Variants in SNTG1 observed in about 807,000 individuals in gnomAD.
SNTG1 encodes the protein syntrophin gamma 1, also known as gamma-1-syntrophin.
SNTG1 carries 39 observed loss-of-function variants against 74.7 expected under a neutral mutation model. The ratio of observed to expected loss-of-function variants is 0.52; its 90% CI spans 0.40 to 0.68. The LOEUF is 0.68. SNTG1 is among the 30% of genes least tolerant of loss of function. SNTG1 has a pLI of 0.00. For missense variants in SNTG1, 685 were observed against 609.5 expected, an observed-to-expected ratio of 1.12 and a Z score of -1.30; for synonymous variants, 254 against 217.1, an observed-to-expected ratio of 1.17 and a Z score of -1.49.
rs543634520 is a variant in SNTG1 at position 50,651,514 on chromosome 8, A to G, written c.850-5395A>G. ...CTCTTGTTGCCCAGACTGGAGTGCA[A>G]TGGCATGATCTTGGCTCACTGCAAC... On this transcript the variant is annotated intron_variant, in intron 13 of 18. Transcript: ENST00000642720. Among the ~76,000 whole-genome samples the G allele has an allele frequency of 2.8e-3, 424 of 152,054 alleles. 3 individuals carry two copies. Among genetic ancestry groups the G allele is most frequent in the Non-Finnish European group, 5.4e-3 (364 of 67,978 alleles).
intron 4 of SNTG1, among the ~76,000 whole-genome samples, chr8:50,436,550 T>C (rs1385017410): frequency 6.6e-6 from 1 of 152,156 alleles, no homozygotes; most frequent in Non-Finnish European, 1.5e-5. Flanking sequence ...AATTGCTATG[T>C]ATTATTTATA....
At chr8:50,499,363 A>G (rs1344699824) in intron 8 of SNTG1, among the ~76,000 whole-genome samples, 7 of 150,030 alleles carry the variant, frequency 4.7e-5, no homozygotes, top group East Asian at 1.9e-4. Context: ...TGATTATTTT[A>G]TATTTATCTT....
chr8:49,915,474 C>G (rs1304799491), intron 1 of SNTG1, among the ~76,000 whole-genome samples: 3 of 152,166 alleles, frequency 2.0e-5, no homozygotes, highest in Non-Finnish European at 4.4e-5. Context: ...CTTTACATCT[C>G]TTAATGGTAT....
At chr8:50,729,360 A>G (rs1329220335) in intron 17 of SNTG1, among the ~76,000 whole-genome samples, 2 of 152,206 alleles carry the variant, frequency 1.3e-5, no homozygotes, top group Non-Finnish European at 2.9e-5. Flanking sequence ...TGACTAAGAA[A>G]TGGTAAGCAG....
intron 17 of SNTG1, among the ~76,000 whole-genome samples, chr8:50,745,900 G>A (rs980597382): frequency 5.3e-5 from 8 of 151,858 alleles, no homozygotes; most frequent in African/African-American, 1.7e-4. Context: ...TGATTAATGG[G>A]TACAGAGTTC....
At chr8:50,560,669 A>G (rs1452805687) in intron 12 of SNTG1, among the ~76,000 whole-genome samples, 1 of 152,140 alleles carries the variant, frequency 6.6e-6, no homozygotes, top group Non-Finnish European at 1.5e-5. Context: ...ACTGAATGAC[A>G]AGAACACGTG....
At chr8:50,402,729 A>T (rs6473120) in intron 4 of SNTG1, among the ~76,000 whole-genome samples, 7,208 of 152,256 alleles carry the variant, frequency 0.047, 217 homozygotes, top group Middle Eastern at 0.095. Context: ...GTGGGGCCCA[A>T]CCTTCAGCAT....
chr8:50,392,726 TAGA>T (rs1401926413), intron 2 of SNTG1, among the ~76,000 whole-genome samples: 18 of 151,964 alleles, frequency 1.2e-4, no homozygotes, highest in Non-Finnish European at 1.9e-4. Flanking sequence ...TGAAAAAGAA[TAGA>T]AGATTAGAAT....
At chr8:50,102,659 C>T (rs1234592625) in intron 1 of SNTG1, among the ~76,000 whole-genome samples, 7 of 149,248 alleles carry the variant, frequency 4.7e-5, no homozygotes, top group Non-Finnish European at 7.4e-5. Context: ...AATGGTAATG[C>T]CTAGGTTTTT....
chr8:50,600,451 G>C (rs2094764344), intron 13 of SNTG1, among the ~76,000 whole-genome samples: 1 of 150,812 alleles, frequency 6.6e-6, no homozygotes, highest in Admixed American at 6.6e-5. Context: ...AGACTCATTA[G>C]AGCTCCAATC....
intron 12 of SNTG1, among the ~76,000 whole-genome samples, chr8:50,558,832 C>A (rs922723): frequency 0.086 from 13,043 of 151,936 alleles, 1,308 homozygotes; most frequent in African/African-American, 0.23. Flanking sequence ...AAAGAAAATT[C>A]AACAAAATAA....
intron 8 of SNTG1, among the ~76,000 whole-genome samples, chr8:50,470,252 A>C (rs2093641133): frequency 6.6e-6 from 1 of 152,238 alleles, no homozygotes; most frequent in African/African-American, 2.4e-5. Context: ...TTTAATCCTA[A>C]GAAATAAGAG....
At chr8:50,147,174 C>T (rs1001174661) in intron 1 of SNTG1, among the ~76,000 whole-genome samples, 20 of 152,032 alleles carry the variant, frequency 1.3e-4, no homozygotes, top group African/African-American at 4.8e-4. Context: ...CATGACTCTA[C>T]GCATTTGTCA....
chr8:50,627,732 C>A (rs187851064), intron 13 of SNTG1, among the ~76,000 whole-genome samples: 3 of 152,220 alleles, frequency 2.0e-5, no homozygotes, highest in Admixed American at 6.5e-5. Flanking sequence ...AAGAATGTTA[C>A]AAAGTCCGCA....
chr8:49,938,585 TTC>T (rs1808326166), intron 1 of SNTG1, among the ~76,000 whole-genome samples: 1 of 43,654 alleles, frequency 2.3e-5, no homozygotes, highest in African/African-American at 7.5e-5. Flanking sequence ...TTCTTTTCTT[TTC>T]TTTTCTTTTC....
chr8:50,349,538 G>T (rs2091582965), intron 2 of SNTG1, among the ~76,000 whole-genome samples: 1 of 151,984 alleles, frequency 6.6e-6, no homozygotes. Flanking sequence ...GAGTTTCTCA[G>T]TTTGGATTTT....
chr8:50,198,010 G>A (rs1467332843), intron 2 of SNTG1, among the ~76,000 whole-genome samples: 1 of 151,914 alleles, frequency 6.6e-6, no homozygotes, highest in South Asian at 2.1e-4. Flanking sequence ...TGTTCTGTTG[G>A]TGTCCACTTC....
intron 17 of SNTG1, among the ~76,000 whole-genome samples, chr8:50,740,843 C>T (rs2095541653): frequency 6.6e-6 from 1 of 151,992 alleles, no homozygotes; most frequent in Non-Finnish European, 1.5e-5. Context: ...ATTGCAGGCA[C>T]ATGGATGGAG....
At chr8:50,719,530 G>A (rs2095482719) in intron 17 of SNTG1, among the ~76,000 whole-genome samples, 1 of 152,114 alleles carries the variant, frequency 6.6e-6, no homozygotes, top group Non-Finnish European at 1.5e-5. Flanking sequence ...ATAGCAGGAG[G>A]AACAGCCTAA....
Sources: allele counts gnomAD v4.1 joint callset (sites outside exome capture counted in the v4.1 genomes callset), GRCh38; gene constraint gnomAD v4.1.1; transcripts MANE v1.5; gene names NCBI Gene and HGNC (gene_info 2026-07-23, HGNC 2026-07-21).